DLGAP5: variants seen among roughly 807,000 people sequenced by gnomAD.
DLGAP5 encodes the protein disks large-associated protein 5.
Under a neutral mutation model 99.6 loss-of-function variants are expected in DLGAP5, and 90 were observed. The observed-to-expected ratio is 0.90, with a 90% CI of 0.76 to 1.08. The LOEUF (loss-of-function observed/expected upper bound fraction) is 1.08. Ranked by LOEUF, DLGAP5 falls within the 50% of genes least tolerant of loss-of-function variation. The pLI is 0.00. For missense variants in DLGAP5, 1,036 were observed against 983.5 expected, an observed-to-expected ratio of 1.05 and a Z score of -0.71; for synonymous variants, 311 against 321.3, an observed-to-expected ratio of 0.97 and a Z score of 0.34.
intron 14 of DLGAP5, 62 bp from the exon 15 acceptor site, chr14:55,154,868 G>T (rs557482778): frequency 2.0e-4 from 288 of 1,421,996 alleles, no homozygotes; most frequent in East Asian, 3.7e-4. Flanking sequence ...TTATAACTAG[G>T]AATACGGTGA....
At chr14:55,189,817 A>G (rs1055069668) in intron 1 of DLGAP5, among the ~76,000 whole-genome samples, 7 of 152,024 alleles carry the variant, frequency 4.6e-5, no homozygotes, top group Non-Finnish European at 1.0e-4. Flanking sequence ...TGGCAGCTTC[A>G]TTACATAAGC....
chr14:55,180,339 A>G (rs1222331631), intron 6 of DLGAP5, among the ~76,000 whole-genome samples: 1 of 152,178 alleles, frequency 6.6e-6, no homozygotes, highest in Admixed American at 6.5e-5. Flanking sequence ...TATATCATGA[A>G]CCATGTCATT....
chr14:55,148,513 A>G lies in DLGAP5; in HGVS notation c.2419-40T>C, dbSNP rs185045012. The G allele has an allele frequency of 7.9e-5, 128 of 1,613,388 alleles. No individual in the cohort carries two copies. The African/African-American group carries it at 1.5e-3, about 18-fold the overall frequency. On this transcript the variant is annotated intron_variant, in intron 18 of 18. Transcript: ENST00000247191. ...CAGAGAAGTCAGTAAAGTATCCATC[A>G]AGAGTTTCACCAATTAATTCTTCAA...
At chr14:55,182,697 A>G (rs1312089241) in intron 3 of DLGAP5, among the ~76,000 whole-genome samples, 5 of 152,094 alleles carry the variant, frequency 3.3e-5, no homozygotes, top group Non-Finnish European at 7.4e-5. Flanking sequence ...ATGAGCTTCT[A>G]TCCTCTCTTA....
chr14:55,152,545 C>T, intron 16 of DLGAP5, 45 bp downstream of exon 16: 1 of 1,454,974 alleles, frequency 6.9e-7, no homozygotes, highest in Non-Finnish European at 9.4e-7. Context: ...ATGATATAAA[C>T]ATATGACATA....
chr14:55,151,071 A>C (rs1042660768), intron 17 of DLGAP5, among the ~76,000 whole-genome samples: 1 of 152,236 alleles, frequency 6.6e-6, no homozygotes, highest in Non-Finnish European at 1.5e-5. Context: ...TGTAACATTA[A>C]AGGTACCCAG....
At chr14:55,157,348 G>C (rs1566495307) in intron 14 of DLGAP5, among the ~76,000 whole-genome samples, 1 of 152,288 alleles carries the variant, frequency 6.6e-6, no homozygotes, top group East Asian at 1.9e-4. Context: ...GCAGTAGTGG[G>C]AGATTCCTGG....
intron 2 of DLGAP5, 77 bp downstream of exon 2, chr14:55,188,865 T>A (rs1043070764): frequency 1.1e-5 from 12 of 1,081,816 alleles, no homozygotes; most frequent in Middle Eastern, 2.8e-4. Context: ...TGGCCAGAGT[T>A]TTTTACTCAC....
At position 55,151,920 on chromosome 14, in the gene DLGAP5, T is replaced by A. The variant is rs757566035; in HGVS notation, c.2143A>T (p.Lys715Ter). The A allele has an allele frequency of 6.2e-7, 1 of 1,613,612 alleles. No individual in the cohort carries two copies. Among genetic ancestry groups the A allele is most frequent in the South Asian group, 1.1e-5 (1 of 90,980 alleles). The part of the protein sequence containing the change: ...ENHVVNKTDL[K>*]VDCLSSERMS... ...CTCTCACTGGATAAACAATCCACCT[T>A]CAAGTCTGTCTTATTTACAACCTGG... Residue 715 changes from lysine to a stop codon, truncating the protein, a stop_gained, in exon 17 of 19, where the codon AAG (lysine) becomes TAG (stop). Coordinates refer to ENST00000247191, the MANE Select transcript of DLGAP5 (RefSeq NM_014750.5). LOFTEE classifies it high-confidence loss of function.
At chr14:55,170,603 G>A in intron 11 of DLGAP5, 99 bp downstream of exon 11, 2 of 1,055,712 alleles carry the variant, frequency 1.9e-6, no homozygotes, top group Non-Finnish European at 2.8e-6. Context: ...GAATGATAAT[G>A]AAACAATAAA....
chr14:55,160,359 T>C (rs540269605), intron 13 of DLGAP5, among the ~76,000 whole-genome samples: 25 of 149,114 alleles, frequency 1.7e-4, no homozygotes, highest in Non-Finnish European at 3.6e-4. Context: ...GGCGCCACTG[T>C]ACTCCAGCCT....
At chr14:55,149,879 G>A (rs1163235668) in intron 18 of DLGAP5, among the ~76,000 whole-genome samples, 1 of 150,892 alleles carries the variant, frequency 6.6e-6, no homozygotes, top group Non-Finnish European at 1.5e-5. Flanking sequence ...GTGAAACCCC[G>A]CATCTCTACT....
In DLGAP5 at chr14:55,163,078, G is replaced by C. The variant is rs773599999; in HGVS notation, c.1549-3C>G. On this transcript the variant is annotated splice_polypyrimidine_tract_variant and splice_region_variant and intron_variant, in intron 12 of 18. Coordinates refer to ENST00000247191, the MANE Select transcript of DLGAP5 (RefSeq NM_014750.5). ...AATTTGTGGATTACATCTTCTATCT[G>C]TTAATAAAGCACAAGTTTACCAGAT... is the stretch of plus-strand genomic sequence containing the variant. 1.5e-5 allele frequency: 23 copies of C among 1,565,952 alleles called. No individual in the cohort carries two copies. Among genetic ancestry groups the C allele is most frequent in the Non-Finnish European group, 2.0e-5 (23 of 1,151,242 alleles).
In DLGAP5 at chr14:55,176,976, GAAAAAAAAAAAAAAAAAA is replaced by G. The variant is rs34109336; in HGVS notation, c.1049+68_1049+85del. 7 of 252,472 alleles carry G rather than the reference GAAAAAAAAAAAAAAAAAA, an allele frequency of 2.8e-5. No individual in the cohort carries two copies. In the Admixed American group the frequency reaches 6.8e-4, roughly 24 times the overall value. The allele number at this position is 252,472 out of a possible 1,614,324, so 15.6% of individuals were successfully genotyped here. A position where few individuals can be genotyped will look rare whatever the true frequency, so the allele number is the denominator to read the frequency against. On this transcript the variant is annotated intron_variant, in intron 8 of 18. Transcript: ENST00000247191. The stretch of plus-strand genomic sequence containing the variant: ...CTGGGCGACAGAGCGAACTCCGTCT[GAAAAAAAAAAAAAAAAAA>G]AAAAAAAAAAGAAAGGCATTTATTA...
intron 13 of DLGAP5, among the ~76,000 whole-genome samples, chr14:55,161,057 A>T (rs1306457417): frequency 6.6e-6 from 1 of 152,224 alleles, no homozygotes; most frequent in African/African-American, 2.4e-5. Context: ...GGAAAACAAG[A>T]CTAACTGATG....
chr14:55,184,931 C>T (rs1050875952), intron 2 of DLGAP5, among the ~76,000 whole-genome samples: 14 of 152,194 alleles, frequency 9.2e-5, no homozygotes, highest in African/African-American at 3.4e-4. Context: ...TTGTTTTAAG[C>T]TGCTAAGTTT....
chr14:55,155,947 C>T (rs76323317), intron 14 of DLGAP5, among the ~76,000 whole-genome samples: 2,286 of 151,792 alleles, frequency 0.015, 56 homozygotes, highest in African/African-American at 0.052. Flanking sequence ...AAAAATCAGC[C>T]GGGTGTGGTG....
Position 55,162,618 on chromosome 14 carries a change from C to CAAA in DLGAP5, c.1653+350_1653+352dup, listed in dbSNP as rs368322756. ...TTGGTGATAGAGCGGGATTCCATCT[C>CAAA]AAAAAAAAAAAAAGAAGAAGAAGAA... On this transcript the variant is annotated intron_variant, in intron 13 of 18. Transcript: ENST00000247191. 6.8e-3 allele frequency among the ~76,000 whole-genome samples: 951 copies of CAAA among 138,962 alleles called. 26 individuals are homozygous for CAAA. Among genetic ancestry groups the CAAA allele is most frequent in the South Asian group, 0.066 (290 of 4,380 alleles). 91.2% of individuals were successfully genotyped at this position (138,962 alleles called of 152,430 possible). A position where few individuals can be genotyped will look rare whatever the true frequency, so the allele number is the denominator to read the frequency against.
rs529935301 is a variant in DLGAP5 at position 55,158,733 on chromosome 14, A to T, written c.1662T>A (p.Val554=). The T allele has an allele frequency of 6.2e-7, 1 of 1,612,692 alleles. No homozygotes were observed. Among genetic ancestry groups the T allele is most frequent in the Non-Finnish European group, 8.5e-7 (1 of 1,179,018 alleles). The change falls in exon 14 of 19, where the codon GTT becomes GTA. Residue 554 remains valine, a synonymous_variant. Transcript: ENST00000247191. ...TTGGTTTACTTGCTATACCTGAGAC[A>T]ACTTTTTTCTGCAAAGAGAAACTAA... is the stretch of plus-strand genomic sequence containing the variant. The part of the protein sequence containing the change: ...NMNKNVFRKK[V]VSGIASKPKQ...
Sources: gnomAD v4.1 joint callset for allele counts (sites outside exome capture counted in the v4.1 genomes callset) on GRCh38, gnomAD v4.1.1 for gene constraint, MANE v1.5 for transcripts, NCBI Gene and HGNC (gene_info 2026-07-23, HGNC 2026-07-21) for gene names.